GAS7: variants seen among roughly 807,000 people sequenced by gnomAD.
GAS7 encodes the protein growth arrest-specific protein 7.
A neutral mutation model predicts 71.1 loss-of-function variants in GAS7; 28 were observed. The ratio of observed to expected loss-of-function variants is 0.39; its 90% CI spans 0.29 to 0.54. The LOEUF (loss-of-function observed/expected upper bound fraction) is 0.54. Ranked by LOEUF, GAS7 falls within the 20% of genes least tolerant of loss-of-function variation. The probability of loss-of-function intolerance (pLI) is 0.62; values close to 1 mark genes in which losing one functional copy is unlikely to be tolerated. For synonymous variants in GAS7, 258 were observed against 245.8 expected (o/e 1.05, Z -0.46); for missense variants, 436 against 627.8 (o/e 0.69, Z 3.27).
intron 1 of GAS7, among the ~76,000 whole-genome samples, chr17:10,084,887 G>A (rs1050725593): frequency 1.3e-5 from 2 of 152,082 alleles, no homozygotes; most frequent in African/African-American, 2.4e-5. Context: ...AACGCCAAGC[G>A]GTCCCCGGTG....
intron 1 of GAS7, among the ~76,000 whole-genome samples, chr17:10,072,805 G>A (rs1259768035): frequency 6.6e-6 from 1 of 152,114 alleles, no homozygotes; most frequent in African/African-American, 2.4e-5. Context: ...TAGTCTGTCT[G>A]GCCCCAGGAT....
At chr17:10,036,797 T>TA in intron 1 of GAS7, 1 of 1,087,814 alleles carries the variant, frequency 9.2e-7, no homozygotes, top group Non-Finnish European at 1.1e-6. Context: ...CTTTCTCAGC[T>TA]AAAAAACGTT....
At chr17:10,037,818 C>G (rs2072784575) in intron 1 of GAS7, among the ~76,000 whole-genome samples, 1 of 152,108 alleles carries the variant, frequency 6.6e-6, no homozygotes, top group Non-Finnish European at 1.5e-5. Flanking sequence ...TTTGTTGTTA[C>G]TATCACCAGT....
At chr17:10,061,368 C>T (rs138414135) in intron 1 of GAS7, 1 of 152,200 alleles carries the variant, frequency 6.6e-6, no homozygotes, top group Non-Finnish European at 1.5e-5. Flanking sequence ...GCTCAAGAAA[C>T]CAGGGGACTG....
rs1312056083 is a variant in GAS7 at position 9,947,837 on chromosome 17, A to AC, written c.526-855_526-854insG. 4.3e-5 allele frequency among the ~76,000 whole-genome samples: 4 copies of AC among 93,932 alleles called. No individual in the cohort carries two copies. The East Asian group carries it at 6.8e-4, about 16-fold the overall frequency. 61.6% of individuals were successfully genotyped at this position (93,932 alleles called of 152,430 possible). On this transcript the variant is annotated intron_variant, in intron 5 of 13. Coordinates refer to ENST00000432992, the MANE Select transcript of GAS7 (RefSeq NM_201433.2). ...TGGTTAGGTGAAGGTTAAAAACAAAAAAAAAAAAAAAGCAAGCAGAGTATT... is the reference window on the plus strand; with the variant it reads ...TGGTTAGGTGAAGGTTAAAAACAAAACAAAAAAAAAAAGCAAGCAGAGTATT...
intron 1 of GAS7, among the ~76,000 whole-genome samples, chr17:10,130,060 T>C (rs1488203360): frequency 6.6e-6 from 1 of 151,562 alleles, no homozygotes; most frequent in Non-Finnish European, 1.5e-5. Flanking sequence ...TCCCAGCTAC[T>C]TGGGAGGCTG....
At chr17:10,117,837 T>C (rs1266897250) in intron 1 of GAS7, among the ~76,000 whole-genome samples, 1 of 152,116 alleles carries the variant, frequency 6.6e-6, no homozygotes, top group Non-Finnish European at 1.5e-5. Flanking sequence ...AGTGATCCTG[T>C]GTTTAAAGAT....
intron 1 of GAS7, among the ~76,000 whole-genome samples, chr17:10,162,309 A>G (rs896081262): frequency 1.3e-5 from 2 of 152,160 alleles, no homozygotes; most frequent in African/African-American, 4.8e-5. Context: ...TCAGGGGGAA[A>G]AACATCACAC....
At chr17:10,135,975 G>A (rs1008603992) in intron 1 of GAS7, among the ~76,000 whole-genome samples, 36 of 152,182 alleles carry the variant, frequency 2.4e-4, no homozygotes, top group Non-Finnish European at 4.9e-4. Flanking sequence ...AAGAACAAGA[G>A]CATGACTTAG....
chr17:9,957,546 T>C (rs2069294672), intron 5 of GAS7, among the ~76,000 whole-genome samples: 1 of 152,218 alleles, frequency 6.6e-6, no homozygotes, highest in African/African-American at 2.4e-5. Context: ...GTTTTTCTTC[T>C]AGAATTCAAA....
At chr17:10,198,075 G>C (rs2142161954) in intron 1 of GAS7, 133 bp downstream of exon 1, 1 of 783,248 alleles carries the variant, frequency 1.3e-6, no homozygotes, top group East Asian at 2.8e-5. Context: ...GCTACAGGTA[G>C]CGCCGGCAAG....
chr17:9,962,228 C>T (rs562566154), intron 4 of GAS7, among the ~76,000 whole-genome samples: 7 of 134,032 alleles, frequency 5.2e-5, no homozygotes, highest in South Asian at 4.6e-4. Context: ...ATACATATCA[C>T]GTGCATTTTA....
chr17:9,982,870 C>A (rs3076165), intron 2 of GAS7, among the ~76,000 whole-genome samples: 45,311 of 131,126 alleles, frequency 0.35, 7,821 homozygotes, highest in African/African-American at 0.56. Flanking sequence ...AGAAAGAAAG[C>A]AAAGAAAGCA....
chr17:9,952,818 T>A (rs991998237), intron 5 of GAS7, among the ~76,000 whole-genome samples: 11 of 152,050 alleles, frequency 7.2e-5, no homozygotes, highest in Non-Finnish European at 1.5e-4. Flanking sequence ...CCAATCAGAA[T>A]GGCTATAATT....
chr17:10,110,149 A>G lies in GAS7; in HGVS notation c.183+88059T>C, dbSNP rs145638347. Among the ~76,000 whole-genome samples, 636 of 152,290 alleles carry G rather than the reference A, an allele frequency of 4.2e-3. 6 individuals carry two copies. The highest frequency in any genetic ancestry group is 0.014 in the African/African-American group (566 of 41,562). ...ATAGCAAAATTATGGAATCAACCTA[A>G]GTGTCCATCAATGGACAAGTGGATA... On this transcript the variant is annotated intron_variant, in intron 1 of 13. Transcript: ENST00000432992.
At chr17:10,003,879 G>T (rs1202204700) in intron 2 of GAS7, among the ~76,000 whole-genome samples, 1 of 152,180 alleles carries the variant, frequency 6.6e-6, no homozygotes, top group Non-Finnish European at 1.5e-5. Flanking sequence ...CCTCTTGGAT[G>T]AGTGCTACCT....
intron 1 of GAS7, among the ~76,000 whole-genome samples, chr17:10,060,118 G>T (rs2073203321): frequency 1.3e-5 from 2 of 152,214 alleles, no homozygotes. Context: ...CTGAGGGAGT[G>T]TGATAATCCA....
At chr17:10,047,868 G>C (rs1221550921) in intron 1 of GAS7, among the ~76,000 whole-genome samples, 1 of 152,134 alleles carries the variant, frequency 6.6e-6, no homozygotes, top group Non-Finnish European at 1.5e-5. Flanking sequence ...AAAAAGCAAG[G>C]AAATCAAGAG....
intron 1 of GAS7, among the ~76,000 whole-genome samples, chr17:10,032,125 A>C (rs528632120): frequency 1.3e-4 from 20 of 151,988 alleles, no homozygotes; most frequent in African/African-American, 3.9e-4. Flanking sequence ...AAAAAAAAAA[A>C]AAAAACCCTA....
Sources: gnomAD v4.1 joint callset for allele counts (sites outside exome capture counted in the v4.1 genomes callset) on GRCh38, gnomAD v4.1.1 for gene constraint, MANE v1.5 for transcripts, NCBI Gene and HGNC (gene_info 2026-07-23, HGNC 2026-07-21) for gene names.